Variants in FLRT2 observed in about 807,000 individuals in gnomAD.
FLRT2 encodes the protein fibronectin leucine rich transmembrane protein 2.
Under a neutral mutation model 40.0 loss-of-function variants are expected in FLRT2, and 15 were observed. The observed-to-expected ratio is 0.38, with a 90% CI of 0.25 to 0.58. The LOEUF is 0.58. Among genes scored for constraint, FLRT2 ranks in the 20% least tolerant of loss-of-function variants. FLRT2 has a pLI of 0.71. For missense variants in FLRT2, 726 were observed against 840.0 expected (o/e 0.86, Z 1.68); for synonymous variants, 380 against 336.8 (o/e 1.13, Z -1.41).
In FLRT2 at chr14:85,631,012, C is replaced by A. The variant is rs898655911; in HGVS notation, c.*7515C>A. The A allele has an allele frequency of 1.3e-5, 2 of 150,338 alleles. No homozygotes were observed. The highest frequency in any genetic ancestry group is 2.5e-5 in the African/African-American group (1 of 40,684). 9.3% of individuals were successfully genotyped at this position (150,338 alleles called of 1,614,324 possible). A position where few individuals can be genotyped will look rare whatever the true frequency, so the allele number is the denominator to read the frequency against. The stretch of plus-strand genomic sequence containing the variant: ...CAAACTCTTTGTGTGACTTATGTAT[C>A]CTACTACATGTTGCTCCCTGACATT... On this transcript the variant is annotated 3_prime_UTR_variant, in exon 2 of 2. Transcript: ENST00000330753.
chr14:85,621,191 A>T lies in FLRT2; in HGVS notation c.-324A>T. The T allele has an allele frequency of 2.8e-6, 1 of 359,140 alleles. No individual in the cohort carries two copies. The highest frequency in any genetic ancestry group is 2.1e-5 in the African/African-American group (1 of 48,356). 22.2% of individuals were successfully genotyped at this position (359,140 alleles called of 1,614,324 possible). On this transcript the variant is annotated 5_prime_UTR_variant, in exon 2 of 2. Coordinates refer to ENST00000330753, the MANE Select transcript of FLRT2 (RefSeq NM_013231.6). ...TCGTAGGCTAATCAAGGCTGGCTTG[A>T]CCTACAAAAGAAGAAGAGAGTTCTG...
intron 1 of FLRT2, among the ~76,000 whole-genome samples, chr14:85,605,934 A>C (rs1214598610): frequency 6.6e-6 from 1 of 152,014 alleles, no homozygotes; most frequent in Admixed American, 6.5e-5. Context: ...CCTGACTTCC[A>C]GTTTGCTTTA....
At chr14:85,604,065 G>A (rs1231144123) in intron 1 of FLRT2, among the ~76,000 whole-genome samples, 1 of 152,082 alleles carries the variant, frequency 6.6e-6, no homozygotes, top group Non-Finnish European at 1.5e-5. Flanking sequence ...ACTTCAGGAA[G>A]CCATCCTACC....
chr14:85,593,461 A>ATGATTGAAACTCTGT (rs1891993501), intron 1 of FLRT2, among the ~76,000 whole-genome samples: 1 of 134,522 alleles, frequency 7.4e-6, no homozygotes, highest in South Asian at 2.5e-4. Flanking sequence ...TTCCTTACAT[A>ATGATTGAAACTCTGT]TGATTGAAAC....
intron 1 of FLRT2, among the ~76,000 whole-genome samples, chr14:85,612,148 G>A (rs199987164): frequency 6.9e-6 from 1 of 144,154 alleles, no homozygotes. Flanking sequence ...TTTAAAAAAA[G>A]AAAAAAAAAA....
intron 1 of FLRT2, among the ~76,000 whole-genome samples, chr14:85,558,470 G>C (rs949011100): frequency 6.6e-6 from 1 of 152,138 alleles, no homozygotes; most frequent in East Asian, 1.9e-4. Flanking sequence ...GATAAATGTC[G>C]ATATGCATTA....
intron 1 of FLRT2, among the ~76,000 whole-genome samples, chr14:85,544,061 CAAG>C (rs1174859645): frequency 6.6e-6 from 1 of 152,190 alleles, no homozygotes; most frequent in East Asian, 1.9e-4. Flanking sequence ...ACCTGGAACA[CAAG>C]AAGATCTTCA....
intron 1 of FLRT2, among the ~76,000 whole-genome samples, chr14:85,541,438 G>A (rs1370873220): frequency 6.6e-6 from 1 of 152,154 alleles, no homozygotes. Context: ...AGGGAGTGCA[G>A]TCAACACTAA....
intron 1 of FLRT2, among the ~76,000 whole-genome samples, chr14:85,546,831 T>C (rs1889307094): frequency 6.6e-6 from 1 of 152,190 alleles, no homozygotes; most frequent in African/African-American, 2.4e-5. Flanking sequence ...GTCACTGTGT[T>C]TTAGAATGAA....
intron 1 of FLRT2, among the ~76,000 whole-genome samples, chr14:85,535,906 TTTTTTTTTTTTTTTTGTTGTTG>T (rs1185805951): frequency 2.6e-5 from 2 of 78,190 alleles, no homozygotes; most frequent in Non-Finnish European, 4.9e-5. Context: ...TTTTTTTTTT[TTTTTTTTTTTTTTTTGTTGTTG>T]TTGTTGTTGT....
chr14:85,607,337 T>G (rs1381511874), intron 1 of FLRT2, among the ~76,000 whole-genome samples: 2 of 152,220 alleles, frequency 1.3e-5, no homozygotes, highest in Admixed American at 1.3e-4. Context: ...AAGGGATTGA[T>G]GCACATCAGT....
Position 85,530,485 on chromosome 14 carries a change from C to T in FLRT2, c.-426C>T, listed in dbSNP as rs561884493. The stretch of plus-strand genomic sequence containing the variant: ...GCGTCTTCCCTTTCCACCTCCCTGA[C>T]CCTGTCGGATTCGGATGAGCCCATT... On this transcript the variant is annotated 5_prime_UTR_variant, in exon 1 of 2. Transcript: ENST00000330753. 1 of 152,892 alleles carries T rather than the reference C, an allele frequency of 6.5e-6. No individual in the cohort carries two copies. Among genetic ancestry groups the T allele is most frequent in the African/African-American group, 2.4e-5 (1 of 41,596 alleles). 9.5% of individuals were successfully genotyped at this position (152,892 alleles called of 1,614,324 possible).
intron 1 of FLRT2, among the ~76,000 whole-genome samples, chr14:85,603,448 A>G (rs1315835783): frequency 1.3e-5 from 2 of 152,238 alleles, no homozygotes; most frequent in Admixed American, 6.5e-5. Flanking sequence ...CTGACTGCTC[A>G]TTGCTGAGTG....
At chr14:85,604,910 C>T (rs1393209999) in intron 1 of FLRT2, among the ~76,000 whole-genome samples, 4 of 152,110 alleles carry the variant, frequency 2.6e-5, no homozygotes, top group Non-Finnish European at 5.9e-5. Context: ...CCTAGTCTGG[C>T]TGTCACTCCT....
At chr14:85,555,687 ATC>A (rs1295486747) in intron 1 of FLRT2, among the ~76,000 whole-genome samples, 21 of 86,900 alleles carry the variant, frequency 2.4e-4, no homozygotes, top group Non-Finnish European at 3.9e-4. Context: ...CTTATCTGAA[ATC>A]TATTTTATTT....
intron 1 of FLRT2, among the ~76,000 whole-genome samples, chr14:85,605,711 A>G (rs755631754): frequency 3.3e-5 from 5 of 152,142 alleles, no homozygotes; most frequent in Non-Finnish European, 7.3e-5. Context: ...GCAGTGAGCC[A>G]GGATCACACC....
intron 1 of FLRT2, among the ~76,000 whole-genome samples, chr14:85,571,233 G>T (rs1462363661): frequency 6.6e-6 from 1 of 152,036 alleles, no homozygotes; most frequent in Non-Finnish European, 1.5e-5. Flanking sequence ...TTAACTTAGG[G>T]TCTGCTATCA....
At position 85,635,045 on chromosome 14, in the gene FLRT2, T is replaced by A. The variant is rs1471561236; in HGVS notation, c.*11548T>A. On this transcript the variant is annotated 3_prime_UTR_variant, in exon 2 of 2. Coordinates refer to ENST00000330753, the MANE Select transcript of FLRT2 (RefSeq NM_013231.6). ...GACTAGGATAGATAAAGCAAACATA[T>A]AAACACTCAGTTTCATTGACTTAAG... 6.6e-6 allele frequency: 1 copy of A among 152,200 alleles called. No individual in the cohort carries two copies. The highest frequency in any genetic ancestry group is 1.5e-5 in the Non-Finnish European group (1 of 68,028). 9.4% of individuals were successfully genotyped at this position (152,200 alleles called of 1,614,324 possible).
rs985106453 is a variant in FLRT2, at chr14:85,648,040, A to G, written c.*24543A>G. On this transcript the variant is annotated 3_prime_UTR_variant, in exon 2 of 2. Coordinates refer to ENST00000330753, the MANE Select transcript of FLRT2 (RefSeq NM_013231.6). ...TACAATTTTATAAAAATGGTGATAC[A>G]TTTGTAATTTGTCCCTCAAATTACA... The G allele has an allele frequency of 2.0e-5, 3 of 152,112 alleles. No individual in the cohort carries two copies. Among genetic ancestry groups the G allele is most frequent in the East Asian group, 1.9e-4 (1 of 5,194 alleles). 9.4% of individuals were successfully genotyped at this position (152,112 alleles called of 1,614,324 possible).
Sources: gnomAD v4.1 joint callset for allele counts (sites outside exome capture counted in the v4.1 genomes callset) on GRCh38, gnomAD v4.1.1 for gene constraint, MANE v1.5 for transcripts, NCBI Gene and HGNC (gene_info 2026-07-23, HGNC 2026-07-21) for gene names.